The following STYXL1 variants were observed in gnomAD, a reference collection of about 807,000 sequenced individuals.
The protein encoded by STYXL1 is serine/threonine/tyrosine-interacting-like protein 1.
STYXL1 carries 32 observed loss-of-function variants against 36.4 expected under a neutral mutation model. That is an observed-to-expected ratio of 0.88 (90% confidence interval 0.66 to 1.18). STYXL1 has a LOEUF of 1.18. Among genes scored for constraint, STYXL1 ranks in the 50% most tolerant of loss-of-function variants. STYXL1 has a pLI of 0.00. For missense variants in STYXL1, 354 were observed against 394.1 expected (o/e 0.90, Z 0.86); for synonymous variants, 133 against 144.1 (o/e 0.92, Z 0.55).
intron 7 of STYXL1, among the ~76,000 whole-genome samples, chr7:76,001,620 A>G (rs1466413595): frequency 6.6e-6 from 1 of 151,806 alleles, no homozygotes; most frequent in East Asian, 1.9e-4. Flanking sequence ...TAACCTCCCG[A>G]GTACCTGGGA....
chr7:75,999,558 T>TATAA, intron 8 of STYXL1, among the ~76,000 whole-genome samples: 1 of 151,146 alleles, frequency 6.6e-6, no homozygotes, highest in South Asian at 2.1e-4. Flanking sequence ...TGTGTATATT[T>TATAA]TTTTTTGAGA....
intron 1 of STYXL1, among the ~76,000 whole-genome samples, chr7:76,039,177 C>T (rs1796240614): frequency 6.7e-6 from 1 of 149,302 alleles, no homozygotes; most frequent in Admixed American, 6.6e-5. Context: ...ACCTCGTGAT[C>T]CACCCGCCTT....
chr7:76,047,905 TC>T lies in STYXL1; in HGVS notation c.-249del, dbSNP rs1797348610. The stretch of plus-strand genomic sequence containing the variant: ...CTGGCCCTCCCACTCCGACCGCAGG[TC>T]CCCCACCGGCCACACAGACGGCTAC... On this transcript the variant is annotated 5_prime_UTR_variant, in exon 1 of 9. Coordinates refer to ENST00000359697, the MANE Select transcript of STYXL1 (RefSeq NM_001317785.2). The T allele has an allele frequency of 2.1e-6, 3 of 1,414,422 alleles. No homozygotes were observed. Among genetic ancestry groups the T allele is most frequent in the Non-Finnish European group, 1.8e-6 (2 of 1,085,540 alleles). The allele number at this position is 1,414,422 out of a possible 1,614,324, so 87.6% of individuals were successfully genotyped here.
intron 3 of STYXL1, 42 bp from the exon 4 acceptor site, chr7:76,022,034 T>C (rs1554576448): frequency 1.3e-6 from 2 of 1,585,956 alleles, no homozygotes; most frequent in South Asian, 2.3e-5. Context: ...GGCCTGTTGG[T>C]GGGCAGGTTC....
At chr7:76,025,930 C>T (rs1221234365) in intron 3 of STYXL1, among the ~76,000 whole-genome samples, 4 of 151,678 alleles carry the variant, frequency 2.6e-5, no homozygotes, top group Admixed American at 6.6e-5. Flanking sequence ...CGGTGGCTCA[C>T]GCCTGTAATT....
At chr7:75,999,787 CT>C (rs1790641153) in intron 8 of STYXL1, among the ~76,000 whole-genome samples, 2 of 152,108 alleles carry the variant, frequency 1.3e-5, no homozygotes, top group African/African-American at 2.4e-5. Flanking sequence ...CTCAGGTGAT[CT>C]GCCCGCCTCG....
chr7:76,043,644 C>A (rs1240879798), intron 1 of STYXL1, among the ~76,000 whole-genome samples: 1 of 152,150 alleles, frequency 6.6e-6, no homozygotes, highest in Non-Finnish European at 1.5e-5. Context: ...AAATTCCCAT[C>A]AAGCTGAGAC....
At chr7:76,008,600 C>T (rs1045744927) in intron 5 of STYXL1, among the ~76,000 whole-genome samples, 4 of 152,202 alleles carry the variant, frequency 2.6e-5, no homozygotes, top group African/African-American at 9.6e-5. Flanking sequence ...CATGACCCCC[C>T]ACTGCCTGCG....
At chr7:76,008,558 G>A (rs965818146) in intron 5 of STYXL1, among the ~76,000 whole-genome samples, 1 of 152,152 alleles carries the variant, frequency 6.6e-6, no homozygotes, top group Non-Finnish European at 1.5e-5. Context: ...ACACCAAGCT[G>A]AGCCAGTTCT....
At chr7:75,999,491 T>TTGTGTATGTGTGTGTG (rs150572317) in intron 8 of STYXL1, among the ~76,000 whole-genome samples, 17 of 111,244 alleles carry the variant, frequency 1.5e-4, no homozygotes, top group South Asian at 2.8e-4. Flanking sequence ...AATTTTTTTG[T>TTGTGTATGTGTGTGTG]TGTGTGTGTG....
chr7:76,021,147 C>T (rs1554576039), intron 4 of STYXL1, among the ~76,000 whole-genome samples: 3 of 151,510 alleles, frequency 2.0e-5, no homozygotes, highest in Admixed American at 1.3e-4. Context: ...GCGTGATCTC[C>T]GCTCACTGCA....
chr7:76,036,779 GCT>G (rs79978782), intron 1 of STYXL1, among the ~76,000 whole-genome samples: 2 of 127,282 alleles, frequency 1.6e-5, no homozygotes, highest in Non-Finnish European at 3.4e-5. Context: ...ACACAGTATA[GCT>G]CTTTTTTTTT....
chr7:76,036,289 C>T lies in STYXL1; in HGVS notation c.-4-5762G>A, dbSNP rs186335442. On this transcript the variant is annotated intron_variant, in intron 1 of 8. Coordinates refer to ENST00000359697, the MANE Select transcript of STYXL1 (RefSeq NM_001317785.2). ...TTAATTTTTGTATTTTTAGTAGTGA[C>T]GGGGTTTCACCATGTTGGCCAGGCT... Among the ~76,000 whole-genome samples, 744 of 149,686 alleles carry T rather than the reference C, an allele frequency of 5.0e-3. 59 individuals are homozygous for T. The highest frequency in any genetic ancestry group is 9.0e-3 in the Admixed American group (134 of 14,950).
intron 1 of STYXL1, among the ~76,000 whole-genome samples, chr7:76,046,333 TGTGTGTGCGCGCGC>T (rs1248592869): frequency 0.014 from 213 of 14,744 alleles, no homozygotes; most frequent in African/African-American, 0.021. Context: ...TGTGTGTGTG[TGTGTGTGCGCGCGC>T]GCGCGCGCGC....
intron 8 of STYXL1, among the ~76,000 whole-genome samples, chr7:75,999,359 G>A (rs552096984): frequency 6.4e-4 from 98 of 152,302 alleles, no homozygotes; most frequent in Admixed American, 1.6e-3. Flanking sequence ...GCGATGAAGA[G>A]GGGAAAGTAA....
chr7:76,029,857 T>C (rs1227008717), intron 2 of STYXL1, among the ~76,000 whole-genome samples: 1 of 152,028 alleles, frequency 6.6e-6, no homozygotes, highest in Non-Finnish European at 1.5e-5. Context: ...CAGGCGGTAA[T>C]GCAAGCGATG....
chr7:76,015,748 G>A (rs908844953), intron 4 of STYXL1, among the ~76,000 whole-genome samples: 3 of 152,234 alleles, frequency 2.0e-5, no homozygotes, highest in South Asian at 2.1e-4. Flanking sequence ...GATCCTGGGC[G>A]TGTCTGTGAG....
At chr7:76,008,667 C>T (rs1376749960) in intron 5 of STYXL1, among the ~76,000 whole-genome samples, 1 of 152,154 alleles carries the variant, frequency 6.6e-6, no homozygotes, top group Non-Finnish European at 1.5e-5. Flanking sequence ...GGACGCTCAG[C>T]TTGCTGGTGC....
intron 2 of STYXL1, 138 bp downstream of exon 2, chr7:76,030,283 G>A (rs369970321): frequency 1.5e-6 from 1 of 651,100 alleles, no homozygotes; most frequent in East Asian, 2.9e-5. Flanking sequence ...ACAGGCGTGT[G>A]CCACCACACC....
Sources: gnomAD v4.1 joint callset for allele counts (sites outside exome capture counted in the v4.1 genomes callset) on GRCh38, gnomAD v4.1.1 for gene constraint, MANE v1.5 for transcripts, NCBI Gene and HGNC (gene_info 2026-07-23, HGNC 2026-07-21) for gene names.